Variants in ENKUR observed in about 807,000 individuals in gnomAD.
ENKUR encodes enkurin, TRPC channel interacting protein, also known as enkurin.
Under a neutral mutation model 27.6 loss-of-function variants are expected in ENKUR, and 19 were observed. The observed-to-expected ratio is 0.69, with a 90% CI of 0.48 to 1.01. ENKUR has a LOEUF of 1.01. ENKUR is among the 50% of genes least tolerant of loss of function. The pLI is 0.00. For missense variants in ENKUR, 312 were observed against 310.5 expected (o/e 1.00, Z -0.04); for synonymous variants, 117 against 96.9 (o/e 1.21, Z -1.22).
At chr10:25,037,617 A>T (rs1851022129) in intron 2 of ENKUR, among the ~76,000 whole-genome samples, 1 of 152,184 alleles carries the variant, frequency 6.6e-6, no homozygotes, top group Admixed American at 6.5e-5. Flanking sequence ...TTACCTCCAA[A>T]CATGAATTTC....
chr10:24,998,096 C>A (rs542401857), intron 2 of ENKUR, among the ~76,000 whole-genome samples: 1 of 151,934 alleles, frequency 6.6e-6, no homozygotes, highest in Admixed American at 6.6e-5. Context: ...GTGCCCTCAC[C>A]TTTTTTCATG....
intron 2 of ENKUR, among the ~76,000 whole-genome samples, chr10:25,042,782 G>A (rs1224249880): frequency 6.6e-6 from 1 of 151,860 alleles, no homozygotes. Context: ...TTAAGCCCAG[G>A]AGTTCAAGGC....
At chr10:24,995,441 A>G (rs1850025145) in intron 3 of ENKUR, among the ~76,000 whole-genome samples, 1 of 152,216 alleles carries the variant, frequency 6.6e-6, no homozygotes, top group Non-Finnish European at 1.5e-5. Flanking sequence ...TATCTACTGA[A>G]CTATATGGAA....
In ENKUR at chr10:24,984,138, C is replaced by G. The variant is rs1849727187; in HGVS notation, c.*232G>C. 2.4e-6 allele frequency: 1 copy of G among 423,446 alleles called. No individual in the cohort carries two copies. Among genetic ancestry groups the G allele is most frequent in the South Asian group, 9.6e-5 (1 of 10,436 alleles). 26.2% of individuals were successfully genotyped at this position (423,446 alleles called of 1,614,324 possible). On this transcript the variant is annotated 3_prime_UTR_variant, in exon 6 of 6. Transcript: ENST00000331161. ...TCATCTTGATTTTGTAAGTTGTCTT[C>G]TTAATTTTTCTTCCTCCAAATAGAA...
intron 1 of ENKUR, among the ~76,000 whole-genome samples, chr10:25,011,876 T>C (rs1390428526): frequency 2.0e-5 from 3 of 152,216 alleles, no homozygotes; most frequent in South Asian, 2.1e-4. Flanking sequence ...CAAATGTTAA[T>C]AGCCAAAACA....
intron 2 of ENKUR, among the ~76,000 whole-genome samples, chr10:25,045,631 A>G (rs569272067): frequency 6.6e-6 from 1 of 152,344 alleles, no homozygotes; most frequent in South Asian, 2.1e-4. Flanking sequence ...TGAAACTGAG[A>G]CATTGTTGAC....
intron 2 of ENKUR, among the ~76,000 whole-genome samples, chr10:25,034,042 T>G (rs947683036): frequency 6.6e-6 from 1 of 152,092 alleles, no homozygotes; most frequent in Non-Finnish European, 1.5e-5. Context: ...CATTCATGAC[T>G]AAAGTACATT....
In ENKUR at chr10:24,984,381, A is replaced by AC; in HGVS notation, c.765-6_765-5insG. The AC allele has an allele frequency of 2.6e-6, 4 of 1,548,836 alleles. No homozygotes were observed. Among genetic ancestry groups the AC allele is most frequent in the Non-Finnish European group, 3.5e-6 (4 of 1,157,632 alleles). On this transcript the variant is annotated splice_polypyrimidine_tract_variant and splice_region_variant and intron_variant, in intron 5 of 5. Coordinates refer to ENST00000331161, the MANE Select transcript of ENKUR (RefSeq NM_145010.4). ...TTGTGCTGTTGGTATCATGCGCTGC[A>AC]GAAAAAAAAAAAAAAAAGTGAAGTT...
At chr10:25,019,725 C>T (rs901887677), upstream of ENKUR, among the ~76,000 whole-genome samples, 1 of 152,162 alleles carries the variant, frequency 6.6e-6, no homozygotes, top group Non-Finnish European at 1.5e-5. Context: ...ATCCAATATC[C>T]CTCTCAATGC....
In ENKUR at chr10:24,983,995, A is replaced by C; in HGVS notation, c.*375T>G. 5.4e-6 allele frequency: 1 copy of C among 184,164 alleles called. No homozygotes were observed. Among genetic ancestry groups the C allele is most frequent in the East Asian group, 1.3e-4 (1 of 7,456 alleles). 11.4% of individuals were successfully genotyped at this position (184,164 alleles called of 1,614,324 possible). ...ATAAGTAGAAAGGACCAAAAGGAAA[A>C]AAACATTTAAATAAGATATGCATAG... is the stretch of plus-strand genomic sequence containing the variant. On this transcript the variant is annotated 3_prime_UTR_variant, in exon 6 of 6. Transcript: ENST00000331161.
chr10:25,023,850 A>AGAG (rs1850776261), intron 2 of ENKUR: 2 of 1,614,230 alleles, frequency 1.2e-6, no homozygotes, highest in Non-Finnish European at 1.7e-6. Flanking sequence ...GGGCTTCCCC[A>AGAG]GAGGAGGTAG....
In ENKUR at chr10:25,061,036, A is replaced by G. The variant is rs1367333998; in HGVS notation, c.37+76T>C. 6 of 1,392,646 alleles carry G rather than the reference A, an allele frequency of 4.3e-6. No individual in the cohort carries two copies. In the South Asian group the frequency reaches 7.4e-5, roughly 17 times the overall value. 86.3% of individuals were successfully genotyped at this position (1,392,646 alleles called of 1,614,324 possible). A position where few individuals can be genotyped will look rare whatever the true frequency, so the allele number is the denominator to read the frequency against. On this transcript the variant is annotated intron_variant, in intron 2 of 5. Coordinates refer to the ENKUR transcript ENST00000615958. ...GCCCTTATGTTTCTTTAGATGAGAC[A>G]AGGATATCTCTAAGGCCCCCTATTA...
chr10:25,001,442 T>A lies in ENKUR; in HGVS notation c.78-1896A>T, dbSNP rs141602684. Among the ~76,000 whole-genome samples, 552 of 152,124 alleles carry A rather than the reference T, an allele frequency of 3.6e-3. 5 individuals are homozygous for A. The highest frequency in any genetic ancestry group is 0.012 in the African/African-American group (510 of 41,558). On this transcript the variant is annotated intron_variant, in intron 1 of 5. Transcript: ENST00000331161. The stretch of plus-strand genomic sequence containing the variant: ...TTGAGATTTCATCAAATTTGACAAT[T>A]TTTTTACCTTTATTCAAATATTTCT...
intron 2 of ENKUR, among the ~76,000 whole-genome samples, chr10:25,033,975 A>C (rs1404556693): frequency 6.6e-6 from 1 of 152,132 alleles, no homozygotes; most frequent in Admixed American, 6.6e-5. Context: ...AAAGAAACTA[A>C]AAAGAGAACT....
intron 2 of ENKUR, among the ~76,000 whole-genome samples, chr10:25,049,505 T>C (rs1851159443): frequency 6.6e-6 from 1 of 152,142 alleles, no homozygotes; most frequent in Non-Finnish European, 1.5e-5. Flanking sequence ...AACAAGACTT[T>C]GGCCAGGCAT....
chr10:25,036,889 A>AATCCCCT (rs1239021928), intron 2 of ENKUR, among the ~76,000 whole-genome samples: 12 of 152,166 alleles, frequency 7.9e-5, no homozygotes, highest in African/African-American at 2.4e-4. Flanking sequence ...CCTTCAGGCT[A>AATCCCCT]TGATGGTGTT....
intron 2 of ENKUR, among the ~76,000 whole-genome samples, chr10:25,033,915 ATCTC>A (rs1412019130): frequency 9.9e-5 from 15 of 151,940 alleles, no homozygotes; most frequent in Non-Finnish European, 1.5e-4. Flanking sequence ...ACGTACATCT[ATCTC>A]TCTCTCTATA....
intron 2 of ENKUR, among the ~76,000 whole-genome samples, chr10:25,033,420 A>G (rs1850959467): frequency 6.6e-6 from 1 of 151,562 alleles, no homozygotes; most frequent in Non-Finnish European, 1.5e-5. Context: ...AAAAAAAAAA[A>G]AAAAAAAATC....
chr10:25,015,629 A>G (rs1850550109), intron 1 of ENKUR, among the ~76,000 whole-genome samples: 1 of 152,246 alleles, frequency 6.6e-6, no homozygotes, highest in South Asian at 2.1e-4. Flanking sequence ...GTTAAGTGTA[A>G]TATAATAAAA....
Sources: allele counts gnomAD v4.1 joint callset (sites outside exome capture counted in the v4.1 genomes callset), GRCh38; gene constraint gnomAD v4.1.1; transcripts MANE v1.5; gene names NCBI Gene and HGNC (gene_info 2026-07-23, HGNC 2026-07-21).